The following TASP1 variants were observed in gnomAD, a reference collection of about 807,000 sequenced individuals.
TASP1 encodes threonine aspartase 1.
In TASP1, 16 loss-of-function variants were observed where a neutral mutation model predicts 56.6. That is an observed-to-expected ratio of 0.28 (90% confidence interval 0.19 to 0.43). The LOEUF (loss-of-function observed/expected upper bound fraction) is 0.43, where lower values mean the gene tolerates loss of function less well. Ranked by LOEUF, TASP1 falls within the 20% of genes least tolerant of loss-of-function variation. TASP1 has a pLI of 1.00. For synonymous variants in TASP1, 179 were observed against 184.2 expected (o/e 0.97, Z 0.23); for missense variants, 393 against 511.6 (o/e 0.77, Z 2.24).
At chr20:13,449,599 G>A (rs1489911069) in intron 11 of TASP1, among the ~76,000 whole-genome samples, 1 of 152,116 alleles carries the variant, frequency 6.6e-6, no homozygotes, top group Non-Finnish European at 1.5e-5. Flanking sequence ...CAGCTGCTGT[G>A]TGGGAAGCTT....
chr20:13,455,943 C>T (rs2043817349), intron 11 of TASP1, among the ~76,000 whole-genome samples: 1 of 152,160 alleles, frequency 6.6e-6, no homozygotes, highest in Non-Finnish European at 1.5e-5. Flanking sequence ...ACTCTCCACT[C>T]GCCAGGTGCC....
At chr20:13,546,108 A>G (rs1253986756) in intron 8 of TASP1, among the ~76,000 whole-genome samples, 2 of 152,062 alleles carry the variant, frequency 1.3e-5, no homozygotes, top group African/African-American at 4.8e-5. Context: ...TCCTCTATTC[A>G]TTCTCTAAGA....
chr20:13,327,437 C>A, the TASP1 span, among the ~76,000 whole-genome samples: 3 of 151,776 alleles, frequency 2.0e-5, no homozygotes, highest in African/African-American at 4.8e-5. Flanking sequence ...ACATTCTTCA[C>A]AAATTAGAAA....
the TASP1 span, among the ~76,000 whole-genome samples, chr20:13,287,243 C>T: frequency 6.6e-6 from 1 of 152,100 alleles, no homozygotes; most frequent in African/African-American, 2.4e-5. Context: ...TGGTGGAAGG[C>T]AAAGGAAGAG....
At chr20:13,276,253 C>T in the TASP1 span, among the ~76,000 whole-genome samples, 6 of 152,178 alleles carry the variant, frequency 3.9e-5, no homozygotes, top group African/African-American at 1.2e-4. Flanking sequence ...AGCAAGAAGG[C>T]TTTCCTGAGT....
At chr20:13,506,041 A>G (rs1418978903) in intron 10 of TASP1, among the ~76,000 whole-genome samples, 3 of 152,078 alleles carry the variant, frequency 2.0e-5, no homozygotes, top group African/African-American at 7.2e-5. Flanking sequence ...AGACTAAAAT[A>G]AAATCATAAA....
the TASP1 span, among the ~76,000 whole-genome samples, chr20:13,110,867 T>G: frequency 6.6e-6 from 1 of 152,050 alleles, no homozygotes; most frequent in Admixed American, 6.6e-5. Flanking sequence ...CCTATAATGA[T>G]AGAAAAGTGA....
chr20:13,380,677 G>A, the TASP1 span, among the ~76,000 whole-genome samples: 7 of 152,294 alleles, frequency 4.6e-5, no homozygotes, highest in South Asian at 1.4e-3. Flanking sequence ...TGCGCCCACA[G>A]CTGCCCCTTC....
chr20:13,450,927 C>CT (rs960735047), intron 11 of TASP1, among the ~76,000 whole-genome samples: 42 of 152,112 alleles, frequency 2.8e-4, no homozygotes, highest in African/African-American at 9.4e-4. Context: ...AGAAGAATCA[C>CT]TATCTATGGC....
chr20:13,618,531 C>A (rs1337681327), intron 4 of TASP1, among the ~76,000 whole-genome samples: 1 of 152,054 alleles, frequency 6.6e-6, no homozygotes, highest in Non-Finnish European at 1.5e-5. Flanking sequence ...ATATCAGTCA[C>A]CTGAATAAGT....
chr20:13,233,692 C>T, the TASP1 span, among the ~76,000 whole-genome samples: 1 of 151,486 alleles, frequency 6.6e-6, no homozygotes, highest in African/African-American at 2.4e-5. Flanking sequence ...GCACATGGGA[C>T]ATAGGAAAAT....
At chr20:13,524,359 G>C (rs985494879) in intron 10 of TASP1, among the ~76,000 whole-genome samples, 8 of 152,182 alleles carry the variant, frequency 5.3e-5, no homozygotes, top group Middle Eastern at 3.4e-3. Context: ...GAAAAATTAT[G>C]TGTGAATTCA....
At chr20:13,131,994 TC>T in the TASP1 span, among the ~76,000 whole-genome samples, 1 of 151,850 alleles carries the variant, frequency 6.6e-6, no homozygotes, top group Admixed American at 6.6e-5. Context: ...AGAGAGCAGC[TC>T]CCACAGAAGG....
intron 4 of TASP1, among the ~76,000 whole-genome samples, chr20:13,616,655 G>C (rs937357930): frequency 6.8e-6 from 1 of 147,648 alleles, no homozygotes. Context: ...AAAAAAAAAA[G>C]GGCAGTTGGG....
At chr20:13,546,530 T>C (rs902840990) in intron 8 of TASP1, among the ~76,000 whole-genome samples, 1 of 152,218 alleles carries the variant, frequency 6.6e-6, no homozygotes. Context: ...GTAAGTCCCC[T>C]AGCCCCCCTG....
At chr20:13,605,211 G>A (rs1601415402) in intron 4 of TASP1, among the ~76,000 whole-genome samples, 1 of 151,908 alleles carries the variant, frequency 6.6e-6, no homozygotes, top group Non-Finnish European at 1.5e-5. Flanking sequence ...AGGTATGAGG[G>A]AAATTTGAGA....
chr20:13,486,182 T>A (rs1221484292), intron 10 of TASP1, among the ~76,000 whole-genome samples: 3 of 152,178 alleles, frequency 2.0e-5, no homozygotes, highest in Non-Finnish European at 4.4e-5. Flanking sequence ...TAGAATATGC[T>A]GCCATAGAGC....
intron 10 of TASP1, among the ~76,000 whole-genome samples, chr20:13,486,183 G>T (rs1322790647): frequency 6.6e-6 from 1 of 152,140 alleles, no homozygotes; most frequent in Non-Finnish European, 1.5e-5. Context: ...AGAATATGCT[G>T]CCATAGAGCT....
chr20:13,514,197 A>G (rs1483306656), intron 10 of TASP1, among the ~76,000 whole-genome samples: 1 of 152,126 alleles, frequency 6.6e-6, no homozygotes, highest in South Asian at 2.1e-4. Context: ...GCAGATTTCA[A>G]TTGGGAGCCT....
Sources: allele counts gnomAD v4.1 joint callset (sites outside exome capture counted in the v4.1 genomes callset), GRCh38; gene constraint gnomAD v4.1.1; transcripts MANE v1.5; gene names NCBI Gene and HGNC (gene_info 2026-07-23, HGNC 2026-07-21).